The following MCTP1 variants were observed in gnomAD, a reference collection of about 807,000 sequenced individuals.
The protein encoded by MCTP1 is multiple C2 and transmembrane domain containing 1, also known as multiple C2 and transmembrane domain-containing protein 1.
A neutral mutation model predicts 120.6 loss-of-function variants in MCTP1; 69 were observed. That is an observed-to-expected ratio of 0.57 (90% CI 0.47 to 0.70). MCTP1 has a LOEUF of 0.70. Ranked by LOEUF, MCTP1 falls within the 30% of genes least tolerant of loss-of-function variation. The pLI is 0.00. For missense variants in MCTP1, 1,203 were observed against 1,248.8 expected, an observed-to-expected ratio of 0.96 and a Z score of 0.55; for synonymous variants, 529 against 493.1, an observed-to-expected ratio of 1.07 and a Z score of -0.96.
rs1797764459 is a variant in MCTP1 at position 94,871,042 on chromosome 5, T to C, written c.2140-69A>G. 1.7e-5 allele frequency: 21 copies of C among 1,267,892 alleles called. No individual in the cohort carries two copies. In the South Asian group the frequency reaches 2.5e-4, roughly 15 times the overall value. 78.5% of individuals were successfully genotyped at this position (1,267,892 alleles called of 1,614,324 possible). On this transcript the variant is annotated intron_variant, in intron 14 of 22. Coordinates refer to ENST00000515393, the MANE Select transcript of MCTP1 (RefSeq NM_024717.7). ...CTGAATACACTCCCTCAGTGACCTT[T>C]GACCCCCAGCTGCTGAAACTGACAG... is the stretch of plus-strand genomic sequence containing the variant.
At chr5:94,850,990 T>G (rs1414212063) in intron 17 of MCTP1, among the ~76,000 whole-genome samples, 1 of 152,120 alleles carries the variant, frequency 6.6e-6, no homozygotes, top group East Asian at 1.9e-4. Flanking sequence ...AATTTAGAGG[T>G]AATATATTTT....
At chr5:94,770,023 T>A (rs1037728968) in intron 19 of MCTP1, among the ~76,000 whole-genome samples, 2 of 152,164 alleles carry the variant, frequency 1.3e-5, no homozygotes, top group African/African-American at 4.8e-5. Flanking sequence ...AATTCCTACT[T>A]TGTGAATTTC....
chr5:94,786,941 T>C (rs1193338724), intron 18 of MCTP1, among the ~76,000 whole-genome samples: 1 of 152,218 alleles, frequency 6.6e-6, no homozygotes, highest in East Asian at 1.9e-4. Flanking sequence ...ATTAATAAAA[T>C]TTAAATGCTT....
intron 10 of MCTP1, among the ~76,000 whole-genome samples, chr5:94,898,909 A>G (rs1454567759): frequency 5.9e-5 from 9 of 152,164 alleles, no homozygotes; most frequent in Admixed American, 3.9e-4. Flanking sequence ...CAAACCCTCA[A>G]ATTCCACAAT....
intron 3 of MCTP1, among the ~76,000 whole-genome samples, chr5:94,944,546 T>A (rs1818472272): frequency 6.6e-6 from 1 of 152,156 alleles, no homozygotes; most frequent in East Asian, 1.9e-4. Flanking sequence ...ATCAGTGAGA[T>A]CACCTGAGGT....
intron 10 of MCTP1, among the ~76,000 whole-genome samples, chr5:94,900,201 G>A (rs766037297): frequency 6.6e-6 from 1 of 152,148 alleles, no homozygotes; most frequent in Non-Finnish European, 1.5e-5. Flanking sequence ...TTTGGACAAG[G>A]CATGCCCTCA....
intron 17 of MCTP1, among the ~76,000 whole-genome samples, chr5:94,808,449 A>T (rs1469925424): frequency 6.6e-6 from 1 of 152,158 alleles, no homozygotes. Context: ...GAATCTTTCC[A>T]ATTTATTTTG....
chr5:94,994,811 C>T (rs1832289560), intron 2 of MCTP1, among the ~76,000 whole-genome samples: 1 of 152,156 alleles, frequency 6.6e-6, no homozygotes. Context: ...TAAAAGCAGG[C>T]AGAAGAATGT....
At chr5:94,943,127 G>A (rs1455496198) in intron 3 of MCTP1, among the ~76,000 whole-genome samples, 1 of 151,994 alleles carries the variant, frequency 6.6e-6, no homozygotes, top group Non-Finnish European at 1.5e-5. Context: ...GAGGGTCTGG[G>A]ATGGCCTATA....
intron 17 of MCTP1, among the ~76,000 whole-genome samples, chr5:94,813,816 C>G (rs1182368366): frequency 6.6e-6 from 1 of 151,012 alleles, no homozygotes. Flanking sequence ...TATATCACTG[C>G]ATTCCAGCCT....
At chr5:94,796,160 A>C (rs1299550515) in intron 18 of MCTP1, among the ~76,000 whole-genome samples, 1 of 152,018 alleles carries the variant, frequency 6.6e-6, no homozygotes, top group Non-Finnish European at 1.5e-5. Context: ...ATGTCACGGA[A>C]ATTTTGTTTC....
chr5:95,280,483 A>G (rs1348207371), intron 1 of MCTP1, among the ~76,000 whole-genome samples: 1 of 152,202 alleles, frequency 6.6e-6, no homozygotes, highest in South Asian at 2.1e-4. Context: ...TCCTAGCAAA[A>G]CATAATTTTA....
chr5:94,844,933 C>T (rs979302758), intron 17 of MCTP1, among the ~76,000 whole-genome samples: 1 of 152,104 alleles, frequency 6.6e-6, no homozygotes, highest in East Asian at 1.9e-4. Context: ...TTTGACTTCA[C>T]ATTAGAATAA....
chr5:95,169,021 A>G (rs1275900697), intron 1 of MCTP1, among the ~76,000 whole-genome samples: 1 of 152,104 alleles, frequency 6.6e-6, no homozygotes, highest in Admixed American at 6.5e-5. Context: ...TCAGTATGAT[A>G]TTGGCTGTGG....
chr5:94,712,638 A>T (rs1053237568), intron 20 of MCTP1, among the ~76,000 whole-genome samples: 4 of 152,084 alleles, frequency 2.6e-5, no homozygotes, highest in African/African-American at 9.7e-5. Context: ...ATTTTCAGTA[A>T]TCCCTGGTGT....
chr5:94,895,049 AT>A (rs1469450466), intron 10 of MCTP1, among the ~76,000 whole-genome samples: 17 of 152,262 alleles, frequency 1.1e-4, no homozygotes, highest in South Asian at 6.2e-4. Context: ...ATACAAAAAA[AT>A]ATGTTAATCT....
intron 5 of MCTP1, among the ~76,000 whole-genome samples, chr5:94,939,006 A>C (rs1450916248): frequency 6.6e-6 from 1 of 152,108 alleles, no homozygotes; most frequent in Non-Finnish European, 1.5e-5. Flanking sequence ...TTCTTATTTA[A>C]AAAGAAAAAT....
At chr5:95,192,189 A>C (rs1459671509) in intron 1 of MCTP1, among the ~76,000 whole-genome samples, 2 of 152,072 alleles carry the variant, frequency 1.3e-5, no homozygotes, top group Admixed American at 6.6e-5. Context: ...TAAAAATATA[A>C]ATTTAGTAAA....
intron 1 of MCTP1, among the ~76,000 whole-genome samples, chr5:95,031,415 C>T (rs986655789): frequency 6.6e-6 from 1 of 152,026 alleles, no homozygotes; most frequent in Non-Finnish European, 1.5e-5. Context: ...AAAGGAAATC[C>T]CATCAAACTA....
Sources: allele counts gnomAD v4.1 joint callset (sites outside exome capture counted in the v4.1 genomes callset), GRCh38; gene constraint gnomAD v4.1.1; transcripts MANE v1.5; gene names NCBI Gene and HGNC (gene_info 2026-07-23, HGNC 2026-07-21).